Variants in SLC25A21 observed in about 807,000 individuals in gnomAD.
The protein encoded by SLC25A21 is solute carrier family 25 member 21.
SLC25A21 carries 47 observed loss-of-function variants against 43.8 expected under a neutral mutation model. The ratio of observed to expected loss-of-function variants is 1.07; its 90% CI spans 0.85 to 1.37. The LOEUF is 1.37. Among genes scored for constraint, SLC25A21 ranks in the 40% most tolerant of loss-of-function variants. The probability of loss-of-function intolerance (pLI) is 0.00; values close to 1 mark genes in which losing one functional copy is unlikely to be tolerated. For missense variants in SLC25A21, 352 were observed against 350.2 expected, an observed-to-expected ratio of 1.00 and a Z score of -0.04; for synonymous variants, 131 against 121.3, an observed-to-expected ratio of 1.08 and a Z score of -0.52.
intron 2 of SLC25A21, among the ~76,000 whole-genome samples, chr14:36,833,679 G>C (rs1259989441): frequency 3.9e-5 from 6 of 152,142 alleles, no homozygotes; most frequent in Non-Finnish European, 8.8e-5. Flanking sequence ...CTAGTACAGG[G>C]ACAGGTTATG....
intron 9 of SLC25A21, among the ~76,000 whole-genome samples, chr14:36,682,307 ATGAAG>A (rs1882312549): frequency 6.6e-6 from 1 of 152,084 alleles, no homozygotes. Flanking sequence ...CACATTTGGA[ATGAAG>A]TGGAGGGCAG....
At chr14:36,980,732 G>A (rs559627093) in intron 1 of SLC25A21, among the ~76,000 whole-genome samples, 7 of 152,244 alleles carry the variant, frequency 4.6e-5, no homozygotes, top group Admixed American at 3.3e-4. Flanking sequence ...GAGAAGAGGC[G>A]CTCTGATTTA....
intron 6 of SLC25A21, among the ~76,000 whole-genome samples, chr14:36,723,111 G>C (rs760479096): frequency 6.6e-6 from 1 of 152,174 alleles, no homozygotes; most frequent in African/African-American, 2.4e-5. Flanking sequence ...AATGAAGAAG[G>C]CTTCGGCATT....
chr14:37,107,600 A>G (rs1343777476), intron 1 of SLC25A21, among the ~76,000 whole-genome samples: 1 of 152,146 alleles, frequency 6.6e-6, no homozygotes, highest in African/African-American at 2.4e-5. Flanking sequence ...AGTGTTAGGC[A>G]CTGTTCCAAG....
chr14:36,751,860 T>C (rs564965780), intron 3 of SLC25A21, among the ~76,000 whole-genome samples: 2 of 152,324 alleles, frequency 1.3e-5, no homozygotes, highest in Admixed American at 6.5e-5. Context: ...CACTGATTGA[T>C]GGAAAGGTGA....
intron 1 of SLC25A21, among the ~76,000 whole-genome samples, chr14:37,129,573 C>T (rs1009225220): frequency 1.3e-5 from 2 of 151,782 alleles, no homozygotes; most frequent in African/African-American, 4.8e-5. Flanking sequence ...AGGATTGATC[C>T]TAGATAGAGG....
chr14:36,760,280 A>G (rs1468165794), intron 3 of SLC25A21, among the ~76,000 whole-genome samples: 1 of 151,978 alleles, frequency 6.6e-6, no homozygotes. Flanking sequence ...ACAAGGCACA[A>G]CTAAATAATA....
chr14:37,171,118 G>A (rs1454595747), intron 1 of SLC25A21, among the ~76,000 whole-genome samples: 3 of 73,630 alleles, frequency 4.1e-5, no homozygotes, highest in East Asian at 2.9e-4. Context: ...AAAGGGGGGA[G>A]GGGAGGGGAG....
chr14:36,931,538 G>A (rs1364281845), intron 1 of SLC25A21, among the ~76,000 whole-genome samples: 1 of 152,144 alleles, frequency 6.6e-6, no homozygotes. Context: ...TGAAAAGAGA[G>A]GGCTCTGCAT....
chr14:37,166,731 A>G (rs1291772584), intron 1 of SLC25A21, among the ~76,000 whole-genome samples: 2 of 152,232 alleles, frequency 1.3e-5, no homozygotes, highest in Non-Finnish European at 2.9e-5. Context: ...ATCATTTTCA[A>G]TCTGGGCCTT....
intron 1 of SLC25A21, among the ~76,000 whole-genome samples, chr14:36,950,737 T>C (rs1039842337): frequency 1.3e-5 from 2 of 152,224 alleles, no homozygotes; most frequent in Non-Finnish European, 2.9e-5. Context: ...AGTAAGTTTC[T>C]TGTATGAAGC....
chr14:37,062,279 AT>A (rs1224987937), intron 1 of SLC25A21, among the ~76,000 whole-genome samples: 4 of 152,156 alleles, frequency 2.6e-5, no homozygotes, highest in African/African-American at 9.7e-5. Flanking sequence ...CCACATCCCC[AT>A]GGTACTTTAC....
intron 1 of SLC25A21, among the ~76,000 whole-genome samples, chr14:36,944,710 T>C (rs890547351): frequency 1.1e-4 from 16 of 152,308 alleles, no homozygotes; most frequent in African/African-American, 3.4e-4. Context: ...TTAACAAAGA[T>C]AAATTTCACA....
chr14:36,953,582 T>C (rs2138664905), intron 1 of SLC25A21, among the ~76,000 whole-genome samples: 1 of 152,348 alleles, frequency 6.6e-6, no homozygotes, highest in Admixed American at 6.5e-5. Flanking sequence ...TTAGATAATT[T>C]TCTTTATTTC....
At chr14:36,945,334 C>G (rs1186654325) in intron 1 of SLC25A21, among the ~76,000 whole-genome samples, 1 of 152,100 alleles carries the variant, frequency 6.6e-6, no homozygotes, top group African/African-American at 2.4e-5. Context: ...CAAATTTTAA[C>G]CATATAATCC....
At chr14:37,136,848 A>T (rs1963489070) in intron 1 of SLC25A21, among the ~76,000 whole-genome samples, 2 of 152,222 alleles carry the variant, frequency 1.3e-5, no homozygotes, top group Non-Finnish European at 2.9e-5. Flanking sequence ...ACATTCTGGA[A>T]AAGAAAAAAT....
intron 2 of SLC25A21, among the ~76,000 whole-genome samples, chr14:36,871,446 C>G (rs1890370942): frequency 6.6e-6 from 1 of 152,288 alleles, no homozygotes; most frequent in South Asian, 2.1e-4. Flanking sequence ...GAAGCCTGGA[C>G]AGATGAACAT....
chr14:37,063,700 T>C (rs1384760186), intron 1 of SLC25A21, among the ~76,000 whole-genome samples: 2 of 152,086 alleles, frequency 1.3e-5, no homozygotes, highest in Non-Finnish European at 2.9e-5. Flanking sequence ...AGCCAAATTC[T>C]GAAGTCTGGA....
At chr14:36,765,029 CA>C (rs1411413981) in intron 3 of SLC25A21, among the ~76,000 whole-genome samples, 12 of 152,228 alleles carry the variant, frequency 7.9e-5, no homozygotes, top group African/African-American at 2.7e-4. Flanking sequence ...CTTTAAATCT[CA>C]ATGGGCTCTG....
Sources: allele counts gnomAD v4.1 joint callset (sites outside exome capture counted in the v4.1 genomes callset), GRCh38; gene constraint gnomAD v4.1.1; transcripts MANE v1.5; gene names NCBI Gene and HGNC (gene_info 2026-07-23, HGNC 2026-07-21).